The following LRRC4C variants were observed in gnomAD, a reference collection of about 807,000 sequenced individuals.
LRRC4C encodes the protein leucine rich repeat containing 4C, also known as leucine-rich repeat-containing protein 4C.
LRRC4C carries 5 observed loss-of-function variants against 33.6 expected under a neutral mutation model. The observed-to-expected ratio is 0.15, with a 90% CI of 0.08 to 0.31. The LOEUF (loss-of-function observed/expected upper bound fraction) is 0.31, where lower values mean the gene tolerates loss of function less well. Ranked by LOEUF, LRRC4C falls within the 10% of genes least tolerant of loss-of-function variation. The pLI, the probability that LRRC4C is intolerant of heterozygous loss-of-function variation, is 1.00. For missense variants in LRRC4C, 560 were observed against 796.7 expected (o/e 0.70, Z 3.58); for synonymous variants, 329 against 302.0 (o/e 1.09, Z -0.93).
At chr11:40,516,401 T>C (rs1252812740) in intron 3 of LRRC4C, among the ~76,000 whole-genome samples, 1 of 152,114 alleles carries the variant, frequency 6.6e-6, no homozygotes, top group Non-Finnish European at 1.5e-5. Context: ...AAGTCTCCTA[T>C]GTATGAACAA....
chr11:41,236,703 A>T (rs960765166), intron 1 of LRRC4C, among the ~76,000 whole-genome samples: 1 of 152,154 alleles, frequency 6.6e-6, no homozygotes. Context: ...TGATATTTGA[A>T]AAAAGAAAAA....
chr11:41,141,450 AG>A (rs1394159533), intron 1 of LRRC4C, among the ~76,000 whole-genome samples: 2 of 152,218 alleles, frequency 1.3e-5, no homozygotes, highest in Non-Finnish European at 2.9e-5. Flanking sequence ...TATATCAATT[AG>A]TAAAATAACA....
intron 1 of LRRC4C, among the ~76,000 whole-genome samples, chr11:41,304,170 G>A (rs1326646579): frequency 1.2e-4 from 12 of 97,474 alleles, no homozygotes; most frequent in Admixed American, 3.3e-4. Flanking sequence ...CGGGAGGGAG[G>A]TGGGGGGGTC....
intron 2 of LRRC4C, among the ~76,000 whole-genome samples, chr11:40,848,774 A>C (rs2135722472): frequency 6.6e-6 from 1 of 152,212 alleles, no homozygotes; most frequent in South Asian, 2.1e-4. Flanking sequence ...ATTGCGTGGG[A>C]GTCTATGTCT....
intron 4 of LRRC4C, among the ~76,000 whole-genome samples, chr11:40,266,657 G>C (rs1409831454): frequency 3.3e-5 from 5 of 152,040 alleles, no homozygotes; most frequent in Non-Finnish European, 5.9e-5. Flanking sequence ...GCAAAAAGAA[G>C]GCACAGACAT....
At chr11:41,206,506 G>A (rs1946608600) in intron 1 of LRRC4C, among the ~76,000 whole-genome samples, 2 of 152,196 alleles carry the variant, frequency 1.3e-5, no homozygotes, top group African/African-American at 4.8e-5. Flanking sequence ...TTGAAGAGCT[G>A]TAACTTTGCT....
chr11:40,380,769 G>A (rs1351133323), intron 3 of LRRC4C, among the ~76,000 whole-genome samples: 1 of 152,058 alleles, frequency 6.6e-6, no homozygotes, highest in Admixed American at 6.6e-5. Context: ...GAAATCATTG[G>A]ATTCTATGGT....
Position 41,401,043 on chromosome 11 carries a change from T to C in LRRC4C, c.-496+58388A>G, listed in dbSNP as rs183631150. ...TATTTTGGCAGACACCCAAGAAATATGCCAAATATTGTAATATGATAAAGA... is the reference window on the plus strand; with the variant it reads ...TATTTTGGCAGACACCCAAGAAATACGCCAAATATTGTAATATGATAAAGA... On this transcript the variant is annotated intron_variant, in intron 1 of 6. Coordinates refer to ENST00000528697, the MANE Select transcript of LRRC4C (RefSeq NM_001258419.2). Among the ~76,000 whole-genome samples, 897 of 151,932 alleles carry C rather than the reference T, an allele frequency of 5.9e-3. 7 individuals are homozygous for C. Among genetic ancestry groups the C allele is most frequent in the African/African-American group, 0.021 (866 of 41,508 alleles).
chr11:41,043,810 T>A (rs1467759241), intron 1 of LRRC4C, among the ~76,000 whole-genome samples: 1 of 152,082 alleles, frequency 6.6e-6, no homozygotes, highest in Non-Finnish European at 1.5e-5. Context: ...ATAAATAACC[T>A]ATAACATTGC....
chr11:40,539,999 A>G (rs1956637977), intron 3 of LRRC4C, among the ~76,000 whole-genome samples: 1 of 152,184 alleles, frequency 6.6e-6, no homozygotes, highest in African/African-American at 2.4e-5. Flanking sequence ...TTCAGGAATA[A>G]ATCAGATATC....
chr11:40,978,504 A>T (rs1008542528), intron 1 of LRRC4C, among the ~76,000 whole-genome samples: 1 of 152,204 alleles, frequency 6.6e-6, no homozygotes, highest in Admixed American at 6.5e-5. Flanking sequence ...ATTGCTAAAC[A>T]TTCTACAGTA....
At chr11:41,341,814 A>T (rs1318923359) in intron 1 of LRRC4C, among the ~76,000 whole-genome samples, 1 of 152,212 alleles carries the variant, frequency 6.6e-6, no homozygotes, top group African/African-American at 2.4e-5. Flanking sequence ...CATAATCTCT[A>T]TCTTCTCAGC....
At position 41,183,044 on chromosome 11, in the gene LRRC4C, A is replaced by G. The variant is rs534660079; in HGVS notation, c.-495-249321T>C. ...GAGACTTCTTCACTATCATGAGAAC[A>G]GCACAGAAAAGACCCACCCCCATGA... is the stretch of plus-strand genomic sequence containing the variant. On this transcript the variant is annotated intron_variant, in intron 1 of 6. Coordinates refer to ENST00000528697, the MANE Select transcript of LRRC4C (RefSeq NM_001258419.2). Among the ~76,000 whole-genome samples the G allele has an allele frequency of 1.2e-4, 19 of 152,168 alleles. No homozygotes were observed. The East Asian group carries it at 3.1e-3, about 25-fold the overall frequency.
At chr11:40,639,862 A>T (rs181310490) in intron 3 of LRRC4C, among the ~76,000 whole-genome samples, 15 of 152,302 alleles carry the variant, frequency 9.8e-5, no homozygotes, top group Non-Finnish European at 1.2e-4. Context: ...GGGGAAAGTG[A>T]TGCACGGCCA....
chr11:40,234,523 T>C (rs1319930815), intron 5 of LRRC4C, among the ~76,000 whole-genome samples: 1 of 152,094 alleles, frequency 6.6e-6, no homozygotes, highest in African/African-American at 2.4e-5. Flanking sequence ...AATCCCAGCA[T>C]TTTGGGAGGC....
intron 2 of LRRC4C, among the ~76,000 whole-genome samples, chr11:40,850,168 T>C (rs1355076029): frequency 6.6e-6 from 1 of 152,058 alleles, no homozygotes; most frequent in Non-Finnish European, 1.5e-5. Flanking sequence ...AGTTTTTTTT[T>C]CCCTTGCTGG....
intron 1 of LRRC4C, among the ~76,000 whole-genome samples, chr11:41,301,425 G>C (rs539415719): frequency 6.6e-6 from 1 of 152,132 alleles, no homozygotes; most frequent in Non-Finnish European, 1.5e-5. Context: ...AAAAAGCAGA[G>C]AGAAAAATTA....
At chr11:40,843,258 T>G (rs1591858363) in intron 2 of LRRC4C, among the ~76,000 whole-genome samples, 1 of 152,268 alleles carries the variant, frequency 6.6e-6, no homozygotes, top group East Asian at 1.9e-4. Context: ...TATCTGGACT[T>G]ACTCTCAGTC....
At chr11:40,171,151 C>T (rs1406990009) in intron 5 of LRRC4C, among the ~76,000 whole-genome samples, 1 of 151,904 alleles carries the variant, frequency 6.6e-6, no homozygotes, top group East Asian at 1.9e-4. Flanking sequence ...ATGAAAAACT[C>T]ATAAAAAAAG....
Sources: allele counts gnomAD v4.1 joint callset (sites outside exome capture counted in the v4.1 genomes callset), GRCh38; gene constraint gnomAD v4.1.1; transcripts MANE v1.5; gene names NCBI Gene and HGNC (gene_info 2026-07-23, HGNC 2026-07-21).